Variants in SPTLC3 observed in about 807,000 individuals in gnomAD.
The protein encoded by SPTLC3 is serine palmitoyltransferase 3.
A neutral mutation model predicts 59.3 loss-of-function variants in SPTLC3; 36 were observed. The ratio of observed to expected loss-of-function variants is 0.61; its 90% CI spans 0.47 to 0.80. The LOEUF (loss-of-function observed/expected upper bound fraction) is 0.80. Among genes scored for constraint, SPTLC3 ranks in the 30% least tolerant of loss-of-function variants. SPTLC3 has a pLI of 0.00. For synonymous variants in SPTLC3, 257 were observed against 240.8 expected, an observed-to-expected ratio of 1.07 and a Z score of -0.62; for missense variants, 625 against 685.1, an observed-to-expected ratio of 0.91 and a Z score of 0.98.
At chr20:13,085,687 C>T (rs1988981615) in intron 4 of SPTLC3, among the ~76,000 whole-genome samples, 1 of 152,188 alleles carries the variant, frequency 6.6e-6, no homozygotes, top group Middle Eastern at 3.4e-3. Flanking sequence ...AATATGTAGG[C>T]CAGTAATCTC....
rs1208881976 is a variant in SPTLC3, at chr20:13,166,343, G to A, written c.*1476G>A. On this transcript the variant is annotated 3_prime_UTR_variant, in exon 12 of 12. Transcript: ENST00000399002. Reference sequence around the variant, plus strand: ...CTCAAAGCGTATTAAAGGAAAAAAAGTGATCAGCATGGAAAGTTTTTATGG... The same window carrying A: ...CTCAAAGCGTATTAAAGGAAAAAAAATGATCAGCATGGAAAGTTTTTATGG... 2 of 152,602 alleles carry A rather than the reference G, an allele frequency of 1.3e-5. No individual in the cohort carries two copies. Among genetic ancestry groups the A allele is most frequent in the African/African-American group, 4.8e-5 (2 of 41,464 alleles). 9.5% of individuals were successfully genotyped at this position (152,602 alleles called of 1,614,324 possible). A position where few individuals can be genotyped will look rare whatever the true frequency, so the allele number is the denominator to read the frequency against.
intron 8 of SPTLC3, among the ~76,000 whole-genome samples, chr20:13,120,721 C>G (rs1990857696): frequency 6.6e-6 from 1 of 152,154 alleles, no homozygotes; most frequent in Non-Finnish European, 1.5e-5. Flanking sequence ...CTAGAGGAAA[C>G]AGAGGTTTTG....
chr20:13,110,262 C>A, intron 7 of SPTLC3, 45 bp downstream of exon 7: 1 of 1,530,492 alleles, frequency 6.5e-7, no homozygotes. Context: ...AGGCCTGCAG[C>A]AAGCTGACCA....
At chr20:13,037,916 C>A (rs990615045) in intron 1 of SPTLC3, among the ~76,000 whole-genome samples, 1 of 152,022 alleles carries the variant, frequency 6.6e-6, no homozygotes, top group Non-Finnish European at 1.5e-5. Flanking sequence ...ATGGATGAGA[C>A]ATACCAGCTC....
At chr20:13,154,287 T>G in intron 10 of SPTLC3, 149 bp downstream of exon 10, 1 of 933,096 alleles carries the variant, frequency 1.1e-6, no homozygotes, top group Non-Finnish European at 1.6e-6. Flanking sequence ...CCTGTCACTC[T>G]ATCAGCTAGA....
At chr20:13,031,699 A>G (rs1986467384) in intron 1 of SPTLC3, among the ~76,000 whole-genome samples, 1 of 152,120 alleles carries the variant, frequency 6.6e-6, no homozygotes, top group Non-Finnish European at 1.5e-5. Context: ...CATGCCCAAC[A>G]CAGGTACACG....
intron 10 of SPTLC3, among the ~76,000 whole-genome samples, chr20:13,155,623 G>T (rs1028805079): frequency 6.6e-6 from 1 of 152,044 alleles, no homozygotes; most frequent in Non-Finnish European, 1.5e-5. Flanking sequence ...TCAGGAGATC[G>T]AAACCATCCT....
chr20:13,108,270 C>T (rs1238529037), intron 6 of SPTLC3, among the ~76,000 whole-genome samples: 1 of 152,224 alleles, frequency 6.6e-6, no homozygotes, highest in African/African-American at 2.4e-5. Flanking sequence ...GAAACACACA[C>T]ACACAAATAT....
chr20:13,051,336 C>A (rs757628041), intron 2 of SPTLC3, among the ~76,000 whole-genome samples: 1 of 152,168 alleles, frequency 6.6e-6, no homozygotes, highest in Non-Finnish European at 1.5e-5. Flanking sequence ...TTAAAAGGAA[C>A]AAAGAGGGAC....
chr20:13,110,145 C>T lies in SPTLC3; in HGVS notation c.860C>T (p.Ala287Val). The change falls in exon 7 of 12, where the codon GCT becomes GTT. Residue 287 changes from alanine (A) to valine (V), a missense_variant. By Grantham distance (64) the Ala-to-Val change is moderately conservative. Coordinates refer to ENST00000399002, the MANE Select transcript of SPTLC3 (RefSeq NM_018327.4). ...AGCCTAGAGAAGCTCCTGAGAGATG[C>T]TGTCATCTATGGCCAGCCTCGAACC... Reference protein sequence around the residue: ...TQSLEKLLRDAVIYGQPRTRR... With the variant: ...TQSLEKLLRDVVIYGQPRTRR... 2 of 1,613,570 alleles carry T rather than the reference C, an allele frequency of 1.2e-6. No homozygotes were observed. The highest frequency in any genetic ancestry group is 1.7e-6 in the Non-Finnish European group (2 of 1,179,720).
intron 1 of SPTLC3, among the ~76,000 whole-genome samples, chr20:13,028,160 A>G (rs1986251700): frequency 1.3e-5 from 2 of 152,204 alleles, no homozygotes; most frequent in Admixed American, 6.5e-5. Context: ...GTCCTAAGGA[A>G]ACTTGGCTCC....
rs1046847744 is a variant in SPTLC3, at chr20:13,122,037, G to A, written c.1152+4312G>A. On this transcript the variant is annotated intron_variant, in intron 8 of 11. Coordinates refer to ENST00000399002, the MANE Select transcript of SPTLC3 (RefSeq NM_018327.4). The stretch of plus-strand genomic sequence containing the variant: ...GATCTTTGTCAGTGATGGTCCCCAA[G>A]CTAAGAGACAATTGCTACACTTGTC... 3.3e-5 allele frequency among the ~76,000 whole-genome samples: 5 copies of A among 152,192 alleles called. No individual in the cohort carries two copies. In the East Asian group the frequency reaches 7.7e-4, roughly 23 times the overall value.
chr20:13,090,451 G>A (rs1465599317), intron 4 of SPTLC3, among the ~76,000 whole-genome samples: 2 of 152,134 alleles, frequency 1.3e-5, no homozygotes, highest in Admixed American at 6.5e-5. Context: ...GCATTTAGGT[G>A]TGGGAAAACT....
intron 1 of SPTLC3, among the ~76,000 whole-genome samples, chr20:13,027,733 C>A (rs1320016768): frequency 6.6e-6 from 1 of 151,968 alleles, no homozygotes; most frequent in Non-Finnish European, 1.5e-5. Flanking sequence ...CTTTGGGAAT[C>A]AGTCTTACTA....
intron 6 of SPTLC3, among the ~76,000 whole-genome samples, chr20:13,096,656 G>A (rs1989425753): frequency 6.6e-6 from 1 of 152,148 alleles, no homozygotes; most frequent in African/African-American, 2.4e-5. Flanking sequence ...GGGAATTGGT[G>A]AGAAGAGGCA....
chr20:13,163,762 C>T (rs1215800894), intron 11 of SPTLC3, among the ~76,000 whole-genome samples: 2 of 152,148 alleles, frequency 1.3e-5, no homozygotes, highest in Non-Finnish European at 2.9e-5. Flanking sequence ...ACAACCCTCA[C>T]CTTACCTTTT....
chr20:13,024,458 A>G (rs1568567672), intron 1 of SPTLC3, among the ~76,000 whole-genome samples: 1 of 152,206 alleles, frequency 6.6e-6, no homozygotes, highest in Non-Finnish European at 1.5e-5. Context: ...TGTAGAATAA[A>G]TACACTTCAC....
intron 10 of SPTLC3, among the ~76,000 whole-genome samples, chr20:13,156,402 C>A (rs765813338): frequency 2.0e-4 from 31 of 152,116 alleles, no homozygotes; most frequent in Non-Finnish European, 3.1e-4. Flanking sequence ...ATGCTATGAA[C>A]GATATGCTTC....
chr20:13,140,711 A>C (rs1391814426), intron 9 of SPTLC3, among the ~76,000 whole-genome samples: 3 of 152,222 alleles, frequency 2.0e-5, no homozygotes. Context: ...AAAGTTGATT[A>C]AAATGTCAAG....
Sources: allele counts gnomAD v4.1 joint callset (sites outside exome capture counted in the v4.1 genomes callset), GRCh38; gene constraint gnomAD v4.1.1; transcripts MANE v1.5; gene names NCBI Gene and HGNC (gene_info 2026-07-23, HGNC 2026-07-21).